Variants in DHX9 observed in about 807,000 individuals in gnomAD.
The protein encoded by DHX9 is ATP-dependent RNA helicase A.
In DHX9, 27 loss-of-function variants were observed where a neutral mutation model predicts 148.7. The ratio of observed to expected loss-of-function variants is 0.18; its 90% CI spans 0.13 to 0.25. DHX9 has a LOEUF of 0.25. DHX9 is among the 10% of genes least tolerant of loss of function. The pLI is 1.00. For missense variants in DHX9, 796 were observed against 1,559.6 expected, an observed-to-expected ratio of 0.51 and a Z score of 8.25; for synonymous variants, 529 against 516.6, an observed-to-expected ratio of 1.02 and a Z score of -0.33.
In DHX9 at chr1:182,887,546, A is replaced by T; in HGVS notation, c.*112A>T. On this transcript the variant is annotated 3_prime_UTR_variant, in exon 28 of 28. Transcript: ENST00000367549. ...GCCACCAAAAAGTAAATGCATTTTC[A>T]CCCATTCTGTGGTTCATTGTAGTTT... The T allele has an allele frequency of 1.0e-6, 1 of 952,456 alleles. No individual in the cohort carries two copies. The highest frequency in any genetic ancestry group is 1.6e-6 in the Non-Finnish European group (1 of 641,408). 59.0% of individuals were successfully genotyped at this position (952,456 alleles called of 1,614,324 possible).
chr1:182,844,451 C>A (rs900741460), intron 3 of DHX9, among the ~76,000 whole-genome samples: 1 of 152,220 alleles, frequency 6.6e-6, no homozygotes, highest in South Asian at 2.1e-4. Flanking sequence ...AAGCCATCCT[C>A]CCACTTCAGC....
chr1:182,848,310 G>A (rs1468460931), intron 3 of DHX9, among the ~76,000 whole-genome samples: 1 of 152,206 alleles, frequency 6.6e-6, no homozygotes. Flanking sequence ...TTTTGTTGTT[G>A]TAACTCGAGG....
At chr1:182,872,902 A>G (rs1024975196) in intron 15 of DHX9, among the ~76,000 whole-genome samples, 3 of 152,182 alleles carry the variant, frequency 2.0e-5, no homozygotes, top group Admixed American at 6.6e-5. Context: ...TTGAATTAAG[A>G]TTAAAGGAAG....
intron 22 of DHX9, 21 bp downstream of exon 22, chr1:182,880,629 C>A (rs1649042121): frequency 6.8e-7 from 1 of 1,479,960 alleles, no homozygotes; most frequent in East Asian, 2.3e-5. Context: ...TGTTTTATTT[C>A]TCTTCGTTAA....
rs776004103 is a variant in DHX9, at chr1:182,883,511, C to T, written c.3145-9C>T. The T allele has an allele frequency of 5.6e-6, 9 of 1,611,242 alleles. No homozygotes were observed. Among genetic ancestry groups the T allele is most frequent in the Middle Eastern group, 1.7e-4 (1 of 5,930 alleles). On this transcript the variant is annotated splice_polypyrimidine_tract_variant and intron_variant, in intron 25 of 27. Transcript: ENST00000367549. Reference sequence around the variant, plus strand: ...AACCATTTTGTATTGTCTCTTTCTCCATTTGCAGATTCGAACTCGAGCCAT... The same window carrying T: ...AACCATTTTGTATTGTCTCTTTCTCTATTTGCAGATTCGAACTCGAGCCAT...
At chr1:182,870,945 A>G (rs1648529530) in intron 14 of DHX9, among the ~76,000 whole-genome samples, 1 of 152,234 alleles carries the variant, frequency 6.6e-6, no homozygotes, top group African/African-American at 2.4e-5. Flanking sequence ...TGTGTGTTTT[A>G]CATACAGAGT....
chr1:182,873,629 A>C (rs1648644820), intron 15 of DHX9, among the ~76,000 whole-genome samples: 1 of 152,210 alleles, frequency 6.6e-6, no homozygotes, highest in African/African-American at 2.4e-5. Flanking sequence ...TGTTTAGCTA[A>C]ATGGAGGTAC....
intron 19 of DHX9, chr1:182,877,344 A>AT (rs1648856614): frequency 6.4e-6 from 1 of 155,840 alleles, no homozygotes; most frequent in South Asian, 2.0e-4. Context: ...ACCAGGAGAC[A>AT]TTCTGTGTAG....
rs766273784 is a variant in DHX9 at position 182,876,244 on chromosome 1, G to C, written c.2010G>C (p.Leu670Phe). Residue 670 changes from leucine to phenylalanine, a missense_variant, in exon 17 of 28, where the codon TTG (leucine) becomes TTC (phenylalanine). Around this residue, in one of 14 missense-constraint regions of DHX9, gnomAD observed 133 missense variants for 223.8 expected, o/e 0.59. Coordinates refer to ENST00000367549, the MANE Select transcript of DHX9 (RefSeq NM_001357.5). ...WNLIYTMQKH[L>F]EMNPHFGSHR... ...TGATTTATACTATGCAGAAGCATTT[G>C]GAAATGAATCCACATTTTGGTATGA... The C allele has an allele frequency of 4.3e-6, 7 of 1,613,570 alleles. No individual in the cohort carries two copies. The highest frequency in any genetic ancestry group is 5.9e-6 in the Non-Finnish European group (7 of 1,179,778).
At chr1:182,886,184 AATTTATTTATTTATTT>A (rs144933520) in intron 27 of DHX9, among the ~76,000 whole-genome samples, 1 of 149,538 alleles carries the variant, frequency 6.7e-6, no homozygotes, top group Non-Finnish European at 1.5e-5. Flanking sequence ...TTTTTTTTTA[AATTTATTTATTTATTT>A]ATTTATTTAT....
chr1:182,841,750 A>G (rs1557961438), intron 1 of DHX9, among the ~76,000 whole-genome samples: 1 of 152,238 alleles, frequency 6.6e-6, no homozygotes, highest in East Asian at 1.9e-4. Flanking sequence ...GTGGTCTCAT[A>G]TCTTGCTTAC....
chr1:182,879,417 AC>A lies in DHX9; in HGVS notation c.2512+8del. 6.9e-7 allele frequency: 1 copy of A among 1,447,874 alleles called. No homozygotes were observed. Among genetic ancestry groups the A allele is most frequent in the Non-Finnish European group, 9.2e-7 (1 of 1,081,440 alleles). The allele number at this position is 1,447,874 out of a possible 1,614,324, so 89.7% of individuals were successfully genotyped here. A position where few individuals can be genotyped will look rare whatever the true frequency, so the allele number is the denominator to read the frequency against. On this transcript the variant is annotated splice_region_variant and intron_variant, in intron 21 of 27. Coordinates refer to ENST00000367549, the MANE Select transcript of DHX9 (RefSeq NM_001357.5). ...GCAGAACACACTCTTAGAGGTACTT[AC>A]AAATACAAACCTACTTGACGCAGAT... is the stretch of plus-strand genomic sequence containing the variant.
intron 3 of DHX9, among the ~76,000 whole-genome samples, chr1:182,851,124 C>T (rs901922885): frequency 1.3e-5 from 2 of 152,148 alleles, no homozygotes. Flanking sequence ...TCTACTTTGT[C>T]TCCATAACCC....
intron 3 of DHX9, among the ~76,000 whole-genome samples, chr1:182,850,697 G>A (rs1668126519): frequency 6.6e-6 from 1 of 151,934 alleles, no homozygotes; most frequent in Admixed American, 6.5e-5. Flanking sequence ...GTGTATTTTT[G>A]TTTAGATAGT....
At chr1:182,885,433 A>G (rs1251400394) in intron 27 of DHX9, among the ~76,000 whole-genome samples, 1 of 152,202 alleles carries the variant, frequency 6.6e-6, no homozygotes, top group Non-Finnish European at 1.5e-5. Context: ...TATTTGCTTA[A>G]TATTTGTGAT....
chr1:182,856,157 T>G (rs1229382249), intron 6 of DHX9, among the ~76,000 whole-genome samples: 1 of 152,226 alleles, frequency 6.6e-6, no homozygotes. Flanking sequence ...ATAACCGTAA[T>G]GTAAAACATT....
intron 27 of DHX9, among the ~76,000 whole-genome samples, chr1:182,886,182 TA>T (rs143481668): frequency 2.8e-5 from 4 of 144,224 alleles, no homozygotes; most frequent in African/African-American, 1.1e-4. Context: ...TATTTTTTTT[TA>T]AATTTATTTA....
intron 12 of DHX9, among the ~76,000 whole-genome samples, chr1:182,862,961 C>T (rs1271004320): frequency 1.3e-5 from 2 of 152,136 alleles, no homozygotes; most frequent in African/African-American, 4.8e-5. Context: ...GAGGTTAGCA[C>T]TTGAAATTAC....
chr1:182,869,353 T>C (rs1648446670), intron 14 of DHX9, among the ~76,000 whole-genome samples: 2 of 152,158 alleles, frequency 1.3e-5, no homozygotes. Flanking sequence ...TGTCCAGTCC[T>C]GTCTGGTCTA....
Sources: allele counts gnomAD v4.1 joint callset (sites outside exome capture counted in the v4.1 genomes callset), GRCh38; gene constraint gnomAD v4.1.1; regional missense constraint gnomAD v4.1.1; transcripts MANE v1.5; gene names NCBI Gene and HGNC (gene_info 2026-07-23, HGNC 2026-07-21).